The following MYT1L variants were observed in gnomAD, a reference collection of about 807,000 sequenced individuals.
The protein encoded by MYT1L is myelin transcription factor 1 like.
In MYT1L, 12 loss-of-function variants were observed where a neutral mutation model predicts 126.7. The ratio of observed to expected loss-of-function variants is 0.09; its 90% CI spans 0.06 to 0.15. MYT1L has a LOEUF of 0.15. Among genes scored for constraint, MYT1L ranks in the 10% least tolerant of loss-of-function variants. The pLI is 1.00. For missense variants in MYT1L, 979 were observed against 1,585.2 expected, an observed-to-expected ratio of 0.62 and a Z score of 6.49; for synonymous variants, 541 against 604.2, an observed-to-expected ratio of 0.90 and a Z score of 1.53.
intron 3 of MYT1L, among the ~76,000 whole-genome samples, chr2:2,162,253 G>A (rs1314025986): frequency 1.3e-5 from 2 of 152,114 alleles, no homozygotes; most frequent in East Asian, 1.9e-4. Context: ...CAGTGCCTGC[G>A]GTCCACAGAG....
chr2:2,042,530 AC>A (rs1264688725), intron 4 of MYT1L, among the ~76,000 whole-genome samples: 1 of 152,114 alleles, frequency 6.6e-6, no homozygotes, highest in African/African-American at 2.4e-5. Flanking sequence ...TTTTCTAGAA[AC>A]CTTGTTCTAA....
intron 4 of MYT1L, among the ~76,000 whole-genome samples, chr2:2,018,640 G>A (rs1186279630): frequency 6.6e-6 from 1 of 152,200 alleles, no homozygotes. Context: ...ATGCAAAGTT[G>A]AGGAGTGATT....
At chr2:2,173,964 A>C (rs925136696) in intron 2 of MYT1L, among the ~76,000 whole-genome samples, 2 of 152,230 alleles carry the variant, frequency 1.3e-5, no homozygotes, top group Non-Finnish European at 2.9e-5. Context: ...ATAAGATAAC[A>C]CAAGATTTCC....
chr2:2,169,797 G>A (rs1046835703), intron 3 of MYT1L, among the ~76,000 whole-genome samples: 2 of 152,070 alleles, frequency 1.3e-5, no homozygotes, highest in African/African-American at 2.4e-5. Context: ...TCACCCTTCC[G>A]GGAAGATGTT....
At chr2:2,144,679 G>C (rs1471249936) in intron 3 of MYT1L, among the ~76,000 whole-genome samples, 1 of 152,120 alleles carries the variant, frequency 6.6e-6, no homozygotes. Flanking sequence ...TGTGGTCATC[G>C]GACATGCCCT....
At chr2:1,840,526 T>C (rs1001371539) in intron 20 of MYT1L, among the ~76,000 whole-genome samples, 2 of 152,102 alleles carry the variant, frequency 1.3e-5, no homozygotes, top group African/African-American at 4.8e-5. Context: ...ACATGGAACC[T>C]CAGATTGATG....
intron 9 of MYT1L, among the ~76,000 whole-genome samples, chr2:1,934,028 G>A (rs1458140770): frequency 2.1e-5 from 3 of 142,274 alleles, no homozygotes; most frequent in Non-Finnish European, 4.5e-5. Flanking sequence ...AGGCTGGAGT[G>A]CAGTGGTGCG....
At chr2:2,116,137 C>A (rs1312360126) in intron 3 of MYT1L, among the ~76,000 whole-genome samples, 2 of 152,226 alleles carry the variant, frequency 1.3e-5, no homozygotes, top group African/African-American at 4.8e-5. Flanking sequence ...TCATGAGGCC[C>A]ATGCTGAGGG....
At chr2:2,061,900 C>G (rs1195791654) in intron 3 of MYT1L, among the ~76,000 whole-genome samples, 1 of 152,190 alleles carries the variant, frequency 6.6e-6, no homozygotes, top group Non-Finnish European at 1.5e-5. Flanking sequence ...CAATGTTCCC[C>G]AGATACCATC....
At chr2:2,025,103 A>G (rs2065406894) in intron 4 of MYT1L, among the ~76,000 whole-genome samples, 1 of 152,206 alleles carries the variant, frequency 6.6e-6, no homozygotes, top group Non-Finnish European at 1.5e-5. Flanking sequence ...TTTATAGGCA[A>G]ACCCAATATA....
At chr2:2,026,532 G>A (rs1356736355) in intron 4 of MYT1L, among the ~76,000 whole-genome samples, 1 of 152,218 alleles carries the variant, frequency 6.6e-6, no homozygotes, top group Non-Finnish European at 1.5e-5. Flanking sequence ...CCAGCTAATT[G>A]CTCACCACCC....
intron 1 of MYT1L, chr2:2,325,277 T>G (rs985642634): frequency 2.6e-5 from 4 of 152,058 alleles, no homozygotes; most frequent in Admixed American, 2.0e-4. Context: ...GACACAAGAG[T>G]TAACTCTAAC....
intron 18 of MYT1L, among the ~76,000 whole-genome samples, chr2:1,874,894 T>G (rs537594857): frequency 6.6e-6 from 1 of 152,182 alleles, no homozygotes; most frequent in South Asian, 2.1e-4. Flanking sequence ...CTCCCCTCAC[T>G]AAGGAAGAGC....
At position 1,811,855 on chromosome 2, in the gene MYT1L, C is replaced by T. The variant is rs1221289103; in HGVS notation, c.3081-2688G>A. Among the ~76,000 whole-genome samples, 1 of 152,210 alleles carries T rather than the reference C, an allele frequency of 6.6e-6. No individual in the cohort carries two copies. The highest frequency in any genetic ancestry group is 2.4e-5 in the African/African-American group (1 of 41,462). Reference sequence around the variant, plus strand: ...GGCACCCTCCTGGGTCTTCTCCTGCCTCCCCATCAGATCCCAGCAGGACGC... The same window carrying T: ...GGCACCCTCCTGGGTCTTCTCCTGCTTCCCCATCAGATCCCAGCAGGACGC... On this transcript the variant is annotated intron_variant, in intron 21 of 24. Coordinates refer to ENST00000647738, the MANE Select transcript of MYT1L (RefSeq NM_001303052.2). This position sits in a 1 kb window ranked among gnomAD's most constrained non-coding sequence, Gnocchi z 4.4.
intron 1 of MYT1L, among the ~76,000 whole-genome samples, chr2:2,292,281 C>T (rs753244836): frequency 6.6e-6 from 1 of 152,186 alleles, no homozygotes; most frequent in Non-Finnish European, 1.5e-5. Flanking sequence ...TGAGTCGGTG[C>T]CGCTCAGGCC....
chr2:2,027,262 GGTGA>G (rs2065740904), intron 4 of MYT1L, among the ~76,000 whole-genome samples: 1 of 152,148 alleles, frequency 6.6e-6, no homozygotes, highest in African/African-American at 2.4e-5. Context: ...CCTCCCGGCT[GGTGA>G]GTGCTTCCAG....
intron 3 of MYT1L, among the ~76,000 whole-genome samples, chr2:2,074,115 C>A (rs981660811): frequency 6.6e-6 from 1 of 152,160 alleles, no homozygotes; most frequent in Non-Finnish European, 1.5e-5. Flanking sequence ...TAAAATAAAT[C>A]AATTGTTTAA....
In MYT1L at chr2:2,067,263, G is replaced by A. The variant is rs529027221; in HGVS notation, c.-303-13140C>T. On this transcript the variant is annotated intron_variant, in intron 3 of 24. Transcript: ENST00000647738. ...AATCTATAAAATAGAATAAAAACCTGTCAATAGGCCTATGAATATTGCATG... is the reference window on the plus strand; with the variant it reads ...AATCTATAAAATAGAATAAAAACCTATCAATAGGCCTATGAATATTGCATG... Among the ~76,000 whole-genome samples the A allele has an allele frequency of 2.6e-5, 4 of 152,280 alleles. No individual in the cohort carries two copies. The East Asian group carries it at 7.7e-4, about 29-fold the overall frequency.
intron 3 of MYT1L, among the ~76,000 whole-genome samples, chr2:2,116,054 A>C (rs2080174532): frequency 6.6e-6 from 1 of 152,228 alleles, no homozygotes; most frequent in Non-Finnish European, 1.5e-5. Context: ...CGACGAAAAC[A>C]GGACGAGCCT....
Sources: allele counts gnomAD v4.1 joint callset (sites outside exome capture counted in the v4.1 genomes callset), GRCh38; gene constraint gnomAD v4.1.1; non-coding constraint Gnocchi (gnomAD v3.1); transcripts MANE v1.5; gene names NCBI Gene and HGNC (gene_info 2026-07-23, HGNC 2026-07-21).